DLG2: variants seen among roughly 807,000 people sequenced by gnomAD.
DLG2 encodes discs large MAGUK scaffold protein 2.
A neutral mutation model predicts 132.5 loss-of-function variants in DLG2; 45 were observed. The ratio of observed to expected loss-of-function variants is 0.34; its 90% CI spans 0.27 to 0.44. The LOEUF is 0.44. Among genes scored for constraint, DLG2 ranks in the 20% least tolerant of loss-of-function variants. DLG2 has a pLI of 1.00. For missense variants in DLG2, 1,045 were observed against 1,196.9 expected (o/e 0.87, Z 1.87); for synonymous variants, 424 against 419.6 (o/e 1.01, Z -0.13).
chr11:83,823,028 A>T (rs892591293), intron 17 of DLG2, among the ~76,000 whole-genome samples: 3 of 152,154 alleles, frequency 2.0e-5, no homozygotes, highest in Admixed American at 1.3e-4. Flanking sequence ...TCCTGAAGGT[A>T]CCCTATGAGG....
chr11:85,076,286 A>C (rs349064), intron 6 of DLG2, among the ~76,000 whole-genome samples: 22,431 of 151,930 alleles, frequency 0.15, 1,894 homozygotes, highest in South Asian at 0.31. Flanking sequence ...TTAGTCTGAA[A>C]ACTGTTGATT....
At chr11:83,797,004 G>A (rs971069872) in intron 17 of DLG2, among the ~76,000 whole-genome samples, 1 of 152,094 alleles carries the variant, frequency 6.6e-6, no homozygotes, top group Non-Finnish European at 1.5e-5. Flanking sequence ...ATTGAGATGA[G>A]GTCATGAATG....
rs142802106 is a variant in DLG2, at chr11:84,578,602, C to T, written c.358-43871G>A. Among the ~76,000 whole-genome samples the T allele has an allele frequency of 3.0e-4, 45 of 152,282 alleles. 1 individual carries two copies. The East Asian group carries it at 8.7e-3, about 29-fold the overall frequency. On this transcript the variant is annotated intron_variant, in intron 6 of 27. Coordinates refer to ENST00000376104, the MANE Select transcript of DLG2 (RefSeq NM_001142699.3). The stretch of plus-strand genomic sequence containing the variant: ...CCCATTTGGAATGGCTGTATTTACC[C>T]AATACCTGCACTGCCATTGTGTCTA...
intron 19 of DLG2, among the ~76,000 whole-genome samples, chr11:83,585,587 G>A (rs1240880321): frequency 6.6e-6 from 1 of 152,180 alleles, no homozygotes; most frequent in African/African-American, 2.4e-5. Flanking sequence ...ACTCAAGGAT[G>A]AATAACTAAA....
chr11:85,284,697 C>A (rs72950153), intron 4 of DLG2, among the ~76,000 whole-genome samples: 1 of 151,752 alleles, frequency 6.6e-6, no homozygotes, highest in South Asian at 2.1e-4. Flanking sequence ...ACTCTAATTG[C>A]TTTATATTTA....
chr11:84,945,371 G>A (rs2050065234), intron 6 of DLG2, among the ~76,000 whole-genome samples: 1 of 152,200 alleles, frequency 6.6e-6, no homozygotes, highest in African/African-American at 2.4e-5. Flanking sequence ...AGATTACCAA[G>A]TAGAAACTCC....
chr11:84,966,270 C>G (rs1022232927), intron 6 of DLG2, among the ~76,000 whole-genome samples: 36 of 151,826 alleles, frequency 2.4e-4, no homozygotes, highest in African/African-American at 8.5e-4. Context: ...CCAACATACC[C>G]CAGTTAGTAT....
intron 17 of DLG2, among the ~76,000 whole-genome samples, chr11:83,821,348 G>T (rs2050731523): frequency 6.6e-6 from 1 of 152,140 alleles, no homozygotes; most frequent in South Asian, 2.1e-4. Flanking sequence ...TGGAGTGAAT[G>T]GTGTCAGAAG....
intron 6 of DLG2, among the ~76,000 whole-genome samples, chr11:84,996,187 G>T (rs2057636072): frequency 6.6e-6 from 1 of 151,930 alleles, no homozygotes. Flanking sequence ...GTACCTAAGT[G>T]TGAGTTTGTT....
intron 8 of DLG2, among the ~76,000 whole-genome samples, chr11:84,223,556 CT>C (rs5793116): frequency 0.18 from 24,186 of 131,428 alleles, 2,177 homozygotes; most frequent in African/African-American, 0.32. Flanking sequence ...ATTTATGTGA[CT>C]TTTTTTTTTT....
At chr11:85,574,394 A>T (rs985080489) in intron 3 of DLG2, among the ~76,000 whole-genome samples, 1 of 151,814 alleles carries the variant, frequency 6.6e-6, no homozygotes, top group African/African-American at 2.4e-5. Context: ...ATCTCTGAAA[A>T]TAAGAATGCC....
intron 9 of DLG2, among the ~76,000 whole-genome samples, chr11:84,103,451 G>A (rs2092684892): frequency 6.6e-6 from 1 of 152,058 alleles, no homozygotes; most frequent in Non-Finnish European, 1.5e-5. Flanking sequence ...AATTAACCGA[G>A]TGTTGATCCC....
At chr11:84,976,677 A>G (rs596556) in intron 6 of DLG2, among the ~76,000 whole-genome samples, 108,221 of 151,992 alleles carry the variant, frequency 0.71, 39,642 homozygotes, top group East Asian at 0.92. Flanking sequence ...TATAGGAAAT[A>G]TGCTGGTATG....
chr11:84,012,170 C>A (rs1016758071), intron 11 of DLG2, among the ~76,000 whole-genome samples: 1 of 152,076 alleles, frequency 6.6e-6, no homozygotes. Flanking sequence ...GTTTATCAAC[C>A]TATGTCTAAG....
At chr11:84,794,600 C>A (rs2074307670) in intron 6 of DLG2, among the ~76,000 whole-genome samples, 1 of 152,212 alleles carries the variant, frequency 6.6e-6, no homozygotes, top group Admixed American at 6.5e-5. Context: ...TGGTTATGGG[C>A]CCAGGTATCT....
intron 6 of DLG2, among the ~76,000 whole-genome samples, chr11:84,917,578 A>G (rs2092546616): frequency 2.6e-5 from 4 of 152,172 alleles, no homozygotes; most frequent in African/African-American, 9.6e-5. Context: ...CATAAATCTT[A>G]GGTCATTGGG....
chr11:85,487,258 A>G (rs2153099950), intron 3 of DLG2, among the ~76,000 whole-genome samples: 1 of 152,216 alleles, frequency 6.6e-6, no homozygotes, highest in South Asian at 2.1e-4. Flanking sequence ...GAAAACAGCA[A>G]AAAGCAAGGA....
At chr11:85,347,126 G>C (rs2082902671) in intron 3 of DLG2, among the ~76,000 whole-genome samples, 3 of 152,104 alleles carry the variant, frequency 2.0e-5, no homozygotes, top group African/African-American at 4.8e-5. Context: ...ATATATTCTT[G>C]TTCCACTTTG....
chr11:84,605,250 G>C (rs541467620), intron 6 of DLG2, among the ~76,000 whole-genome samples: 1 of 151,850 alleles, frequency 6.6e-6, no homozygotes, highest in South Asian at 2.1e-4. Flanking sequence ...GATCATTCTT[G>C]AGTATTTCTC....
Sources: gnomAD v4.1 joint callset for allele counts (sites outside exome capture counted in the v4.1 genomes callset) on GRCh38, gnomAD v4.1.1 for gene constraint, MANE v1.5 for transcripts, NCBI Gene and HGNC (gene_info 2026-07-23, HGNC 2026-07-21) for gene names.